The following NIPBL variants were observed in gnomAD, a reference collection of about 807,000 sequenced individuals.
The protein encoded by NIPBL is nipped-B-like protein.
Under a neutral mutation model 321.8 loss-of-function variants are expected in NIPBL, and 19 were observed. The observed-to-expected ratio is 0.06, with a 90% confidence interval of 0.04 to 0.09. The LOEUF is 0.09. NIPBL is among the 10% of genes least tolerant of loss of function. The probability of loss-of-function intolerance (pLI) is 1.00; values close to 1 mark genes in which losing one functional copy is unlikely to be tolerated. For synonymous variants in NIPBL, 1,106 were observed against 1,114.1 expected, an observed-to-expected ratio of 0.99 and a Z score of 0.14; for missense variants, 2,210 against 3,327.0, an observed-to-expected ratio of 0.66 and a Z score of 8.26.
At chr5:36,961,246 T>G (rs1741589494) in intron 4 of NIPBL, among the ~76,000 whole-genome samples, 1 of 152,156 alleles carries the variant, frequency 6.6e-6, no homozygotes, top group African/African-American at 2.4e-5. Context: ...GCAAGTAAAT[T>G]TTTTTAAAAT....
intron 6 of NIPBL, among the ~76,000 whole-genome samples, chr5:36,966,339 T>G (rs1742203083): frequency 2.0e-5 from 3 of 152,208 alleles, no homozygotes; most frequent in South Asian, 2.1e-4. Context: ...TCTGCTGGTG[T>G]TGTTTAATTT....
At chr5:36,905,784 C>T (rs1747586390) in intron 1 of NIPBL, among the ~76,000 whole-genome samples, 1 of 151,710 alleles carries the variant, frequency 6.6e-6, no homozygotes, top group Non-Finnish European at 1.5e-5. Flanking sequence ...CACTCTGTCA[C>T]CCAGGCTGGA....
chr5:36,919,369 CTT>C (rs1029389374), intron 1 of NIPBL, among the ~76,000 whole-genome samples: 2 of 145,980 alleles, frequency 1.4e-5, no homozygotes, highest in African/African-American at 2.5e-5. Flanking sequence ...TCCTACCTCT[CTT>C]TTTTTTTTTA....
chr5:36,984,652 T>C (rs556556735), intron 9 of NIPBL, 24 bp from the exon 10 acceptor site: 20 of 1,584,714 alleles, frequency 1.3e-5, no homozygotes, highest in African/African-American at 6.8e-5. Context: ...ATTACTGATA[T>C]TGATATTTAT....
intron 1 of NIPBL, among the ~76,000 whole-genome samples, chr5:36,882,947 A>C (rs1484507565): frequency 2.0e-5 from 3 of 151,798 alleles, no homozygotes; most frequent in Non-Finnish European, 4.4e-5. Flanking sequence ...TTGTATATTC[A>C]AATATGCATA....
intron 1 of NIPBL, among the ~76,000 whole-genome samples, chr5:36,920,045 A>G (rs1748807944): frequency 6.6e-6 from 1 of 152,152 alleles, no homozygotes; most frequent in South Asian, 2.1e-4. Flanking sequence ...TCAGGATAGA[A>G]ATACTCATTT....
chr5:36,946,694 T>C (rs1457091801), intron 1 of NIPBL, among the ~76,000 whole-genome samples: 1 of 152,012 alleles, frequency 6.6e-6, no homozygotes. Flanking sequence ...ATTCCACATA[T>C]ATGAAATTTC....
chr5:36,967,360 A>ATACCTCACTCAGTAGTCCAAAATC (rs1349414064), intron 6 of NIPBL, among the ~76,000 whole-genome samples: 3 of 152,146 alleles, frequency 2.0e-5, no homozygotes, highest in African/African-American at 7.2e-5. Context: ...TAAAATTCAT[A>ATACCTCACTCAGTAGTCCAAAATC]TACCTCACTC....
intron 44 of NIPBL, among the ~76,000 whole-genome samples, chr5:37,060,082 C>T (rs138461180): frequency 6.6e-6 from 1 of 151,968 alleles, no homozygotes; most frequent in Non-Finnish European, 1.5e-5. Flanking sequence ...GGACCTGTCT[C>T]AAGTTTCCAT....
chr5:36,937,070 A>T (rs73093844), intron 1 of NIPBL, among the ~76,000 whole-genome samples: 1,889 of 152,270 alleles, frequency 0.012, 45 homozygotes, highest in African/African-American at 0.043. Context: ...TTTGGCTTTC[A>T]GCTCCTGAAA....
chr5:37,024,477 A>T (rs759627470), intron 29 of NIPBL, 108 bp from the exon 30 acceptor site: 1 of 862,826 alleles, frequency 1.2e-6, no homozygotes, highest in Non-Finnish European at 1.8e-6. Context: ...AAGTGTGTTT[A>T]TCATGTTAAC....
intron 40 of NIPBL, 154 bp from the exon 41 acceptor site, chr5:37,051,625 C>G (rs994966352): frequency 1.6e-6 from 1 of 627,838 alleles, no homozygotes; most frequent in Admixed American, 3.0e-5. Context: ...CTCAAAAGAT[C>G]TGTCATTTTA....
chr5:36,886,518 C>T, intron 1 of NIPBL: 1 of 732,252 alleles, frequency 1.4e-6, no homozygotes, highest in Non-Finnish European at 2.5e-6. Flanking sequence ...GCAGGGTACC[C>T]TTTGGGGAGC....
chr5:37,061,092 G>A (rs878999101), intron 45 of NIPBL, 74 bp downstream of exon 45: 10 of 1,071,960 alleles, frequency 9.3e-6, no homozygotes, highest in Non-Finnish European at 1.4e-5. Context: ...GGCCGGTGGG[G>A]AGATAACTAT....
chr5:37,029,252 G>A (rs1750676162), intron 32 of NIPBL, among the ~76,000 whole-genome samples: 1 of 152,014 alleles, frequency 6.6e-6, no homozygotes, highest in Non-Finnish European at 1.5e-5. Flanking sequence ...CTCTCTTCCT[G>A]GCCCTAGAAA....
At chr5:36,975,634 C>A (rs1580371284) in intron 8 of NIPBL, 142 bp from the exon 9 acceptor site, 1 of 821,766 alleles carries the variant, frequency 1.2e-6, no homozygotes, top group Non-Finnish European at 1.9e-6. Flanking sequence ...TTCTTTTCAT[C>A]TTTCGTAAAT....
intron 1 of NIPBL, among the ~76,000 whole-genome samples, chr5:36,941,114 GA>G (rs1447985202): frequency 1.3e-5 from 2 of 152,078 alleles, no homozygotes. Flanking sequence ...TAATCAAAAA[GA>G]AAGAAATTAA....
At chr5:36,887,830 C>G (rs1746031620) in intron 1 of NIPBL, among the ~76,000 whole-genome samples, 1 of 152,168 alleles carries the variant, frequency 6.6e-6, no homozygotes, top group Non-Finnish European at 1.5e-5. Context: ...AACAGAAATT[C>G]CATAGTATGT....
chr5:37,014,575 A>G, intron 21 of NIPBL, 108 bp from the exon 22 acceptor site: 1 of 703,366 alleles, frequency 1.4e-6, no homozygotes, highest in South Asian at 1.8e-5. Context: ...TAGTTTAAGC[A>G]TTTTAGTATT....
Sources: allele counts gnomAD v4.1 joint callset (sites outside exome capture counted in the v4.1 genomes callset), GRCh38; gene constraint gnomAD v4.1.1; transcripts MANE v1.5; gene names NCBI Gene and HGNC (gene_info 2026-07-23, HGNC 2026-07-21).